The following PDE1A variants were observed in gnomAD, a reference collection of about 807,000 sequenced individuals.
PDE1A encodes phosphodiesterase 1A.
Under a neutral mutation model 61.7 loss-of-function variants are expected in PDE1A, and 35 were observed. The ratio of observed to expected loss-of-function variants is 0.57; its 90% CI spans 0.43 to 0.75. PDE1A has a LOEUF of 0.75. Ranked by LOEUF, PDE1A falls within the 30% of genes least tolerant of loss-of-function variation. PDE1A has a pLI of 0.00. For synonymous variants in PDE1A, 232 were observed against 213.2 expected (o/e 1.09, Z -0.77); for missense variants, 597 against 630.6 (o/e 0.95, Z 0.57).
chr2:182,433,846 G>A (rs1704077540), intron 2 of PDE1A, among the ~76,000 whole-genome samples: 1 of 151,894 alleles, frequency 6.6e-6, no homozygotes, highest in African/African-American at 2.4e-5. Flanking sequence ...AACACTTCAC[G>A]CTCTTATCCT....
intron 1 of PDE1A, among the ~76,000 whole-genome samples, chr2:182,386,478 G>C (rs1701092030): frequency 1.3e-5 from 2 of 151,232 alleles, no homozygotes; most frequent in African/African-American, 4.9e-5. Flanking sequence ...GATGTGAGGA[G>C]CGCCTCTGCC....
chr2:182,565,987 T>C, the PDE1A span, among the ~76,000 whole-genome samples: 5 of 152,158 alleles, frequency 3.3e-5, no homozygotes, highest in Non-Finnish European at 7.3e-5. Context: ...ATCAGACATG[T>C]AGACACAGAA....
At chr2:182,252,749 G>C (rs1056251471) in intron 2 of PDE1A, among the ~76,000 whole-genome samples, 2 of 152,162 alleles carry the variant, frequency 1.3e-5, no homozygotes, top group Non-Finnish European at 2.9e-5. Context: ...CTCCTGGGTG[G>C]AGCCTGCAGG....
At chr2:182,170,517 C>T (rs1318072753) in intron 13 of PDE1A, among the ~76,000 whole-genome samples, 1 of 151,992 alleles carries the variant, frequency 6.6e-6, no homozygotes, top group Non-Finnish European at 1.5e-5. Flanking sequence ...TTTCCTCTTT[C>T]TGTCTGTACT....
intron 1 of PDE1A, among the ~76,000 whole-genome samples, chr2:182,380,095 A>G (rs1449537825): frequency 1.4e-5 from 2 of 145,324 alleles, no homozygotes; most frequent in Non-Finnish European, 3.0e-5. Flanking sequence ...ATCTTAGAAG[A>G]CCCAGCTCCT....
At chr2:182,224,273 TG>T (rs1218573029) in intron 6 of PDE1A, among the ~76,000 whole-genome samples, 1 of 151,902 alleles carries the variant, frequency 6.6e-6, no homozygotes, top group Non-Finnish European at 1.5e-5. Flanking sequence ...CATACATGTT[TG>T]GGTTCTTCTG....
intron 2 of PDE1A, among the ~76,000 whole-genome samples, chr2:182,487,183 A>G (rs1448859320): frequency 1.3e-5 from 2 of 152,184 alleles, no homozygotes; most frequent in Non-Finnish European, 2.9e-5. Flanking sequence ...ATCATCGGTC[A>G]TTAGAGAAAT....
chr2:182,262,242 T>TTCTC (rs397783529), intron 2 of PDE1A, among the ~76,000 whole-genome samples: 1 of 151,530 alleles, frequency 6.6e-6, no homozygotes, highest in Admixed American at 6.6e-5. Flanking sequence ...CTTTCTTTCT[T>TTCTC]CTTTTTTTAT....
chr2:182,227,999 T>G (rs1432520), intron 6 of PDE1A, among the ~76,000 whole-genome samples: 108,260 of 151,962 alleles, frequency 0.71, 39,033 homozygotes, highest in African/African-American at 0.83. Flanking sequence ...GAGAACGCAG[T>G]GCCAGGAGCC....
chr2:182,599,370 T>C, the PDE1A span, among the ~76,000 whole-genome samples: 2 of 151,730 alleles, frequency 1.3e-5, no homozygotes, highest in Admixed American at 6.5e-5. Flanking sequence ...TCCTGGACGC[T>C]CATCTGCAAA....
intron 1 of PDE1A, among the ~76,000 whole-genome samples, chr2:182,381,123 G>A (rs1700709349): frequency 6.6e-6 from 1 of 151,940 alleles, no homozygotes; most frequent in Non-Finnish European, 1.5e-5. Context: ...AAATTATATG[G>A]TTACTCTGAT....
downstream of PDE1A, among the ~76,000 whole-genome samples, chr2:182,143,260 A>G (rs1690314646): frequency 6.6e-6 from 1 of 152,200 alleles, no homozygotes; most frequent in Non-Finnish European, 1.5e-5. Context: ...AGAGATGAGC[A>G]TGTGAAGTAA....
chr2:182,565,692 AG>A, the PDE1A span, among the ~76,000 whole-genome samples: 1 of 152,208 alleles, frequency 6.6e-6, no homozygotes, highest in Admixed American at 6.5e-5. Context: ...AGAAAAAAAA[AG>A]AATCTAATGA....
At chr2:182,306,471 T>G (rs1261749322) in intron 1 of PDE1A, among the ~76,000 whole-genome samples, 1 of 151,700 alleles carries the variant, frequency 6.6e-6, no homozygotes, top group East Asian at 1.9e-4. Context: ...AAAATTCATA[T>G]GGAACCACAC....
At chr2:182,192,659 C>T (rs978977705) in intron 10 of PDE1A, among the ~76,000 whole-genome samples, 2 of 152,004 alleles carry the variant, frequency 1.3e-5, no homozygotes, top group African/African-American at 2.4e-5. Context: ...GAGGATGCTG[C>T]CTTCAGGGGG....
intron 2 of PDE1A, among the ~76,000 whole-genome samples, chr2:182,454,311 A>C (rs913507210): frequency 6.6e-6 from 1 of 152,174 alleles, no homozygotes; most frequent in Admixed American, 6.5e-5. Context: ...CATGGGTAGG[A>C]AGAATCAATA....
At chr2:182,501,445 T>C (rs566442841) in intron 2 of PDE1A, among the ~76,000 whole-genome samples, 1 of 152,336 alleles carries the variant, frequency 6.6e-6, no homozygotes, top group East Asian at 1.9e-4. Flanking sequence ...AAATTAGATC[T>C]GCCTGCTTTG....
chr2:182,225,325 GA>G (rs1405093376), intron 6 of PDE1A, among the ~76,000 whole-genome samples: 1 of 151,870 alleles, frequency 6.6e-6, no homozygotes, highest in African/African-American at 2.4e-5. Flanking sequence ...GAGAATTGAT[GA>G]ATTTAAATTT....
intron 1 of PDE1A, among the ~76,000 whole-genome samples, chr2:182,342,431 C>A (rs1424504111): frequency 6.6e-6 from 1 of 152,204 alleles, no homozygotes; most frequent in East Asian, 1.9e-4. Flanking sequence ...CGCCTGTAAT[C>A]CCAGCACCTT....
Sources: allele counts gnomAD v4.1 joint callset (sites outside exome capture counted in the v4.1 genomes callset), GRCh38; gene constraint gnomAD v4.1.1; transcripts MANE v1.5; gene names NCBI Gene and HGNC (gene_info 2026-07-23, HGNC 2026-07-21).